CSMD1: variants seen among roughly 807,000 people sequenced by gnomAD.
The protein encoded by CSMD1 is CUB and Sushi multiple domains 1.
Under a neutral mutation model 417.5 loss-of-function variants are expected in CSMD1, and 213 were observed. The ratio of observed to expected loss-of-function variants is 0.51; its 90% CI spans 0.46 to 0.57. The LOEUF is 0.57. Among genes scored for constraint, CSMD1 ranks in the 20% least tolerant of loss-of-function variants. The pLI, the probability that CSMD1 is intolerant of heterozygous loss-of-function variation, is 0.00. For synonymous variants in CSMD1, 2,862 were observed against 1,736.8 expected, an observed-to-expected ratio of 1.65 and a Z score of -16.11; for missense variants, 6,923 against 4,529.7, an observed-to-expected ratio of 1.53 and a Z score of -15.17.
chr8:4,764,568 A>G (rs1476248102), intron 1 of CSMD1, among the ~76,000 whole-genome samples: 4 of 152,174 alleles, frequency 2.6e-5, no homozygotes, highest in African/African-American at 4.8e-5. Flanking sequence ...GCTGCTCTCT[A>G]AAAATATCAA....
At chr8:3,708,515 T>A in intron 6 of CSMD1, 24 bp from the exon 7 acceptor site, 2 of 1,606,178 alleles carry the variant, frequency 1.2e-6, no homozygotes, top group Non-Finnish European at 1.7e-6. Flanking sequence ...AACCAAGCCA[T>A]TAGCAGGTAA....
intron 3 of CSMD1, among the ~76,000 whole-genome samples, chr8:4,415,322 C>G (rs913122580): frequency 8.5e-5 from 13 of 152,178 alleles, no homozygotes; most frequent in African/African-American, 2.7e-4. Context: ...CTGTTTTTCT[C>G]TATGCTTCTG....
intron 5 of CSMD1, among the ~76,000 whole-genome samples, chr8:3,958,624 G>A (rs1812126805): frequency 6.6e-6 from 1 of 152,070 alleles, no homozygotes; most frequent in African/African-American, 2.4e-5. Flanking sequence ...TTTAAATGAG[G>A]TCCACCACAT....
chr8:3,784,706 T>G (rs1231775885), intron 5 of CSMD1, among the ~76,000 whole-genome samples: 1 of 152,218 alleles, frequency 6.6e-6, no homozygotes, highest in Non-Finnish European at 1.5e-5. Flanking sequence ...GGAAATATGC[T>G]ATTATTCTAT....
intron 3 of CSMD1, among the ~76,000 whole-genome samples, chr8:4,331,381 C>A (rs559335347): frequency 6.6e-6 from 1 of 152,012 alleles, no homozygotes; most frequent in Non-Finnish European, 1.5e-5. Flanking sequence ...GTGTTTGTTG[C>A]GAGGTGTCTA....
At chr8:4,227,230 G>C (rs563636817) in intron 3 of CSMD1, among the ~76,000 whole-genome samples, 1 of 152,260 alleles carries the variant, frequency 6.6e-6, no homozygotes, top group South Asian at 2.1e-4. Flanking sequence ...GACCCGATGA[G>C]AATCATTAAC....
intron 3 of CSMD1, among the ~76,000 whole-genome samples, chr8:4,115,235 G>A (rs181981490): frequency 6.6e-6 from 1 of 152,200 alleles, no homozygotes; most frequent in Non-Finnish European, 1.5e-5. Flanking sequence ...ATTGAGGCAA[G>A]AGCTTCCAGT....
intron 9 of CSMD1, 39 bp downstream of exon 9, chr8:3,586,097 A>C: frequency 1.3e-6 from 2 of 1,589,216 alleles, no homozygotes; most frequent in Non-Finnish European, 1.7e-6. Context: ...ACCTTAAAGA[A>C]AGAGATAATC....
At chr8:3,686,372 G>A (rs1386684464) in intron 7 of CSMD1, among the ~76,000 whole-genome samples, 1 of 152,114 alleles carries the variant, frequency 6.6e-6, no homozygotes, top group Admixed American at 6.5e-5. Flanking sequence ...AGGATAGGGA[G>A]GTGCCGCCAC....
intron 26 of CSMD1, among the ~76,000 whole-genome samples, chr8:3,256,387 G>T (rs886851524): frequency 1.8e-4 from 27 of 151,924 alleles, no homozygotes; most frequent in African/African-American, 6.3e-4. Flanking sequence ...AATGGCAGTA[G>T]GCAGACACTG....
intron 5 of CSMD1, among the ~76,000 whole-genome samples, chr8:3,854,049 T>G (rs1368890049): frequency 3.4e-5 from 5 of 145,582 alleles, no homozygotes; most frequent in Non-Finnish European, 7.5e-5. Flanking sequence ...TATACTAAAG[T>G]ATATGTATAT....
chr8:4,257,190 A>G (rs2128836996), intron 3 of CSMD1, among the ~76,000 whole-genome samples: 1 of 61,992 alleles, frequency 1.6e-5, no homozygotes, highest in East Asian at 4.8e-4. Flanking sequence ...TTATGGTACT[A>G]CATTTTTAAG....
chr8:4,696,452 A>G (rs1311466295), intron 1 of CSMD1, among the ~76,000 whole-genome samples: 3 of 152,156 alleles, frequency 2.0e-5, no homozygotes, highest in South Asian at 2.1e-4. Flanking sequence ...AGTCAATTAC[A>G]TTTGTTTATT....
At position 4,846,431 on chromosome 8, in the gene CSMD1, G is replaced by C. The variant is rs149695103; in HGVS notation, c.85+147901C>G. On this transcript the variant is annotated intron_variant, in intron 1 of 69. Coordinates refer to ENST00000635120, the MANE Select transcript of CSMD1 (RefSeq NM_033225.6). ...CTCAGCCAGTGCCCCAGCCAGGCTT[G>C]TCCTTGAGGTTTTGGCAGCACGGCT... 3.7e-3 allele frequency among the ~76,000 whole-genome samples: 556 copies of C among 152,308 alleles called. 2 individuals carry two copies. Among genetic ancestry groups the C allele is most frequent in the African/African-American group, 0.012 (494 of 41,582 alleles).
chr8:3,310,767 G>C (rs1176452556), intron 23 of CSMD1, among the ~76,000 whole-genome samples: 3 of 151,336 alleles, frequency 2.0e-5, no homozygotes, highest in African/African-American at 7.3e-5. Context: ...GTGAATGGCA[G>C]CGGGGCCAGG....
chr8:4,418,268 C>T lies in CSMD1; in HGVS notation c.415+1685G>A, dbSNP rs371639924. Among the ~76,000 whole-genome samples, 4 of 152,076 alleles carry T rather than the reference C, an allele frequency of 2.6e-5. No individual in the cohort carries two copies. The East Asian group carries it at 7.7e-4, about 29-fold the overall frequency. Reference sequence around the variant, plus strand: ...TAAATCCAAGTTACTCAACTTATGGCCCTATTCCATTTTCTAGAAAGTTTT... The same window carrying T: ...TAAATCCAAGTTACTCAACTTATGGTCCTATTCCATTTTCTAGAAAGTTTT... On this transcript the variant is annotated intron_variant, in intron 3 of 69. Coordinates refer to ENST00000635120, the MANE Select transcript of CSMD1 (RefSeq NM_033225.6).
chr8:3,571,619 A>G (rs1028537244), intron 10 of CSMD1, among the ~76,000 whole-genome samples: 1 of 151,988 alleles, frequency 6.6e-6, no homozygotes, highest in Non-Finnish European at 1.5e-5. Flanking sequence ...GGAAGCCTGC[A>G]GGGGTGTGAG....
chr8:3,791,604 A>G (rs778304412), intron 5 of CSMD1, among the ~76,000 whole-genome samples: 1 of 152,190 alleles, frequency 6.6e-6, no homozygotes, highest in African/African-American at 2.4e-5. Flanking sequence ...AGGGTTGATC[A>G]CATGAAGTCA....
intron 1 of CSMD1, among the ~76,000 whole-genome samples, chr8:4,746,066 T>C (rs886934681): frequency 6.6e-6 from 1 of 152,236 alleles, no homozygotes; most frequent in South Asian, 2.1e-4. Context: ...TTTTTGTTAC[T>C]GTCAGCCCCT....
Sources: gnomAD v4.1 joint callset for allele counts (sites outside exome capture counted in the v4.1 genomes callset) on GRCh38, gnomAD v4.1.1 for gene constraint, MANE v1.5 for transcripts, NCBI Gene and HGNC (gene_info 2026-07-23, HGNC 2026-07-21) for gene names.